XPNPEP1: variants seen among roughly 807,000 people sequenced by gnomAD.
The protein encoded by XPNPEP1 is X-prolyl aminopeptidase 1.
XPNPEP1 carries 39 observed loss-of-function variants against 92.4 expected under a neutral mutation model. The ratio of observed to expected loss-of-function variants is 0.42; its 90% CI spans 0.33 to 0.55. The LOEUF (loss-of-function observed/expected upper bound fraction) is 0.55. Among genes scored for constraint, XPNPEP1 ranks in the 20% least tolerant of loss-of-function variants. The pLI is 0.08. For missense variants in XPNPEP1, 654 were observed against 856.1 expected (o/e 0.76, Z 2.95); for synonymous variants, 307 against 299.4 (o/e 1.03, Z -0.26).
rs1847739020 is a variant in XPNPEP1, at chr10:109,875,542, C to T, written c.1377G>A (p.Ser459=). 2 of 1,614,044 alleles carry T rather than the reference C, an allele frequency of 1.2e-6. No homozygotes were observed. Among genetic ancestry groups the T allele is most frequent in the Middle Eastern group, 1.6e-4 (1 of 6,062 alleles). The change falls in exon 15 of 21, where the codon TCG becomes TCA. Residue 459 remains serine, a synonymous_variant. Transcript: ENST00000502935. ...LSLDEVYLID[S]GAQYKDGTTD... is the part of the protein sequence containing the mutation. ...GGTTTACTTACTTGTATTGAGCACC[C>T]GAGTCAATAAGGTACACCTCATCCA...
intron 14 of XPNPEP1, chr10:109,876,577 T>C (rs1847798536): frequency 6.6e-6 from 1 of 152,256 alleles, no homozygotes; most frequent in Non-Finnish European, 1.5e-5. Context: ...GAAGTCCCTC[T>C]GATATTTTTA....
intron 19 of XPNPEP1, among the ~76,000 whole-genome samples, chr10:109,869,392 C>G (rs1393458019): frequency 6.6e-6 from 1 of 152,176 alleles, no homozygotes; most frequent in Non-Finnish European, 1.5e-5. Context: ...ACCTTGGTAA[C>G]ACTGATGGGG....
intron 7 of XPNPEP1, 87 bp downstream of exon 7, chr10:109,887,962 T>G: frequency 6.5e-7 from 1 of 1,541,322 alleles, no homozygotes; most frequent in Non-Finnish European, 8.8e-7. Context: ...CAACTCGACT[T>G]GGATTCGGAG....
chr10:109,875,443 G>T, intron 15 of XPNPEP1, 85 bp downstream of exon 15: 1 of 1,257,340 alleles, frequency 8.0e-7, no homozygotes, highest in Non-Finnish European at 1.2e-6. Flanking sequence ...GACCAGCTGA[G>T]TGCTCTCAGC....
chr10:109,891,840 GAA>G lies in XPNPEP1; in HGVS notation c.311-16_311-15del, dbSNP rs772498514. On this transcript the variant is annotated splice_polypyrimidine_tract_variant and intron_variant, in intron 4 of 20. Transcript: ENST00000502935. ...TGATGGCTGTGCCTGAAGCAGGGGA[GAA>G]AAAAAAAAGAAGAAGAAAGGTTTCT... The G allele has an allele frequency of 5.8e-5, 84 of 1,452,034 alleles. 2 individuals carry two copies. Among genetic ancestry groups the G allele is most frequent in the Non-Finnish European group, 7.1e-5 (76 of 1,068,192 alleles). 89.9% of individuals were successfully genotyped at this position (1,452,034 alleles called of 1,614,324 possible).
chr10:109,920,437 T>C (rs143592995), intron 1 of XPNPEP1, among the ~76,000 whole-genome samples: 160 of 152,342 alleles, frequency 1.1e-3, no homozygotes, highest in African/African-American at 3.6e-3. Context: ...GGGATACAAG[T>C]CAGATTCTCA....
At chr10:109,877,512 A>G in intron 14 of XPNPEP1, 1 of 439,314 alleles carries the variant, frequency 2.3e-6, no homozygotes, top group South Asian at 3.2e-5. Context: ...CTATGCATAC[A>G]GTTCCTGCAG....
At chr10:109,875,466 G>T in intron 15 of XPNPEP1, 62 bp downstream of exon 15, 1 of 1,514,928 alleles carries the variant, frequency 6.6e-7, no homozygotes, top group African/African-American at 1.4e-5. Context: ...GAGCTCAGCT[G>T]TCCACCTTCT....
chr10:109,873,582 A>G (rs1847608998), intron 15 of XPNPEP1, 155 bp from the exon 16 acceptor site: 1 of 783,700 alleles, frequency 1.3e-6, no homozygotes, highest in African/African-American at 1.7e-5. Flanking sequence ...CAGTTCCTTA[A>G]AAGGTTAAAT....
At chr10:109,888,266 G>T (rs1848509296) in intron 6 of XPNPEP1, 74 bp from the exon 7 acceptor site, 2 of 1,544,492 alleles carry the variant, frequency 1.3e-6, no homozygotes, top group East Asian at 4.5e-5. Flanking sequence ...GGCCTTGAAA[G>T]TCCAGAACCT....
At chr10:109,870,939 TA>T in intron 17 of XPNPEP1, 35 bp from the exon 18 acceptor site, 1 of 1,602,962 alleles carries the variant, frequency 6.2e-7, no homozygotes, top group Admixed American at 1.7e-5. Flanking sequence ...ATTGTATTTG[TA>T]CAGCGCTTTA....
intron 2 of XPNPEP1, among the ~76,000 whole-genome samples, chr10:109,914,614 T>C (rs576084063): frequency 2.6e-5 from 4 of 150,986 alleles, no homozygotes; most frequent in African/African-American, 7.4e-5. Context: ...CTGGCCAACA[T>C]GGAGAAACCC....
intron 3 of XPNPEP1, among the ~76,000 whole-genome samples, chr10:109,906,342 G>A (rs1280895659): frequency 6.6e-6 from 1 of 152,200 alleles, no homozygotes; most frequent in African/African-American, 2.4e-5. Context: ...GAAAGTAAGA[G>A]AGGAAAAGAT....
Position 109,865,221 on chromosome 10 carries a change from A to G in XPNPEP1, c.1964T>C (p.Leu655Pro), listed in dbSNP as rs1847067890. The change falls in exon 21 of 21, where the codon CTC becomes CCC. Residue 655 changes from leucine to proline, a missense_variant. Leu to Pro is a moderately conservative substitution (Grantham distance 98, BLOSUM62 -3). Transcript: ENST00000502935. ...GGAGATGGGTTGCGTCTCTCTGATG[A>G]GCCACTCGAGAGCTTCCTGGCGGCC... Reference protein sequence around the residue: ...KQGRQEALEWLIRETQPISKQ... With the variant: ...KQGRQEALEWPIRETQPISKQ... The G allele has an allele frequency of 6.2e-7, 1 of 1,614,182 alleles. No homozygotes were observed.
intron 20 of XPNPEP1, among the ~76,000 whole-genome samples, chr10:109,866,505 G>T (rs117408502): frequency 6.6e-6 from 1 of 152,208 alleles, no homozygotes; most frequent in African/African-American, 2.4e-5. Flanking sequence ...GTAAGGCAAC[G>T]GCAGCATCCT....
At chr10:109,906,375 T>G (rs1849560834) in intron 3 of XPNPEP1, among the ~76,000 whole-genome samples, 1 of 152,112 alleles carries the variant, frequency 6.6e-6, no homozygotes, top group Non-Finnish European at 1.5e-5. Context: ...GTTGTCAGGT[T>G]TATATGACCC....
At chr10:109,886,685 C>T (rs969384567) in intron 7 of XPNPEP1, among the ~76,000 whole-genome samples, 2 of 140,530 alleles carry the variant, frequency 1.4e-5, no homozygotes, top group African/African-American at 5.0e-5. Flanking sequence ...ATGGGGCTTA[C>T]AATATAGAAG....
At chr10:109,887,887 A>G (rs897769842) in intron 7 of XPNPEP1, among the ~76,000 whole-genome samples, 162 bp downstream of exon 7, 1 of 152,244 alleles carries the variant, frequency 6.6e-6, no homozygotes, top group Non-Finnish European at 1.5e-5. Flanking sequence ...GTGGAAACAA[A>G]CAAAGCTCCT....
At chr10:109,897,340 C>T (rs963550562) in intron 3 of XPNPEP1, among the ~76,000 whole-genome samples, 5 of 152,132 alleles carry the variant, frequency 3.3e-5, no homozygotes, top group African/African-American at 9.7e-5. Flanking sequence ...CTTCCTGACC[C>T]ACTTCAGCTT....
Sources: allele counts gnomAD v4.1 joint callset (sites outside exome capture counted in the v4.1 genomes callset), GRCh38; gene constraint gnomAD v4.1.1; transcripts MANE v1.5; gene names NCBI Gene and HGNC (gene_info 2026-07-23, HGNC 2026-07-21).